Variants in MRPS28 observed in about 807,000 individuals in gnomAD.
The protein encoded by MRPS28 is mitochondrial ribosomal protein S28, also known as small ribosomal subunit protein bS1m.
MRPS28 carries 7 observed loss-of-function variants against 10.8 expected under a neutral mutation model. The ratio of observed to expected loss-of-function variants is 0.65; its 90% confidence interval spans 0.37 to 1.22. MRPS28 has a LOEUF of 1.22. MRPS28 is among the 50% of genes most tolerant of loss of function. The probability of loss-of-function intolerance (pLI) is 0.02; values close to 1 mark genes in which losing one functional copy is unlikely to be tolerated. For missense variants in MRPS28, 265 were observed against 232.9 expected, an observed-to-expected ratio of 1.14 and a Z score of -0.90; for synonymous variants, 121 against 93.3, an observed-to-expected ratio of 1.30 and a Z score of -1.71.
chr8:80,016,722 G>T (rs886932201), intron 1 of MRPS28, among the ~76,000 whole-genome samples: 1 of 152,106 alleles, frequency 6.6e-6, no homozygotes, highest in Non-Finnish European at 1.5e-5. Flanking sequence ...TAAACAATTT[G>T]CTAATAATAA....
chr8:79,947,117 T>C (rs1013695065), intron 2 of MRPS28, among the ~76,000 whole-genome samples: 3 of 152,072 alleles, frequency 2.0e-5, no homozygotes, highest in Non-Finnish European at 4.4e-5. Flanking sequence ...CTCACAAAAA[T>C]CCAACAGTCT....
intron 2 of MRPS28, among the ~76,000 whole-genome samples, chr8:79,955,385 G>A (rs749380463): frequency 2.6e-5 from 4 of 152,142 alleles, no homozygotes; most frequent in Non-Finnish European, 4.4e-5. Flanking sequence ...TGACTTCTGC[G>A]TGGATATCTC....
intron 1 of MRPS28, among the ~76,000 whole-genome samples, chr8:80,010,344 C>T (rs887384693): frequency 6.6e-6 from 1 of 152,152 alleles, no homozygotes; most frequent in African/African-American, 2.4e-5. Flanking sequence ...ATTTGTTATT[C>T]GGGGAGAACT....
At chr8:79,926,324 G>GT (rs891951863) in intron 2 of MRPS28, among the ~76,000 whole-genome samples, 4 of 152,136 alleles carry the variant, frequency 2.6e-5, no homozygotes, top group Non-Finnish European at 5.9e-5. Flanking sequence ...ACTGAAACAA[G>GT]TTTTTTCAGT....
At chr8:80,016,658 A>G (rs1156819557) in intron 1 of MRPS28, among the ~76,000 whole-genome samples, 1 of 152,202 alleles carries the variant, frequency 6.6e-6, no homozygotes, top group Non-Finnish European at 1.5e-5. Flanking sequence ...GTAAAATTAA[A>G]ACTTTTAAGT....
rs1293219406 is a variant in MRPS28, at chr8:80,003,019, T to C, written c.375A>G (p.Arg125=). The change falls in exon 2 of 3, where the codon AGA becomes AGG. Residue 125 remains arginine (R), a synonymous_variant. Transcript: ENST00000276585. ...DFGGKFHCVC[R]RPEVDGEKYQ... is the part of the protein sequence containing the mutation. ...CTTACTCTCCATCCACTTCTGGTCT[T>C]CTACATACACAATGAAACTTTCCAC... 3.8e-6 allele frequency: 6 copies of C among 1,596,660 alleles called. No homozygotes were observed. The highest frequency in any genetic ancestry group is 1.4e-5 in the African/African-American group (1 of 74,058).
In MRPS28 at chr8:79,937,503, T is replaced by G. The variant is rs141629354; in HGVS notation, c.396-18355A>C. ...TAGCTATAGCTTAGTGATACTGATT[T>G]TCAACGCCTGAAAAAACACATCATA... On this transcript the variant is annotated intron_variant, in intron 2 of 2. Coordinates refer to ENST00000276585, the MANE Select transcript of MRPS28 (RefSeq NM_014018.3). 3.2e-4 allele frequency among the ~76,000 whole-genome samples: 48 copies of G among 152,316 alleles called. No individual in the cohort carries two copies. In the East Asian group the frequency reaches 7.1e-3, roughly 23 times the overall value.
chr8:79,923,243 A>G (rs970991596), intron 2 of MRPS28, among the ~76,000 whole-genome samples: 11 of 152,198 alleles, frequency 7.2e-5, no homozygotes, highest in Non-Finnish European at 1.5e-4. Flanking sequence ...ACGGAAGTAA[A>G]GCTACTGGCC....
chr8:79,940,798 A>G (rs1421299674), intron 2 of MRPS28, among the ~76,000 whole-genome samples: 2 of 152,260 alleles, frequency 1.3e-5, no homozygotes, highest in African/African-American at 4.8e-5. Context: ...GACAAAAGAA[A>G]TGGAGAAAAG....
intron 2 of MRPS28, among the ~76,000 whole-genome samples, chr8:79,975,042 T>C (rs751572833): frequency 2.0e-5 from 3 of 152,102 alleles, no homozygotes; most frequent in Non-Finnish European, 2.9e-5. Flanking sequence ...CCCAGCACTT[T>C]GGGAGGTCAA....
intron 2 of MRPS28, among the ~76,000 whole-genome samples, chr8:79,962,539 C>T (rs576656649): frequency 4.6e-5 from 7 of 152,090 alleles, no homozygotes; most frequent in East Asian, 3.9e-4. Context: ...TAAAACTTTT[C>T]GTCTATGTCC....
At chr8:79,986,817 G>C (rs796112066) in intron 2 of MRPS28, among the ~76,000 whole-genome samples, 1 of 151,984 alleles carries the variant, frequency 6.6e-6, no homozygotes, top group South Asian at 2.1e-4. Context: ...TCATGGGTAG[G>C]AAGAATCAAT....
intron 2 of MRPS28, among the ~76,000 whole-genome samples, chr8:79,922,953 C>A (rs1219228502): frequency 2.6e-5 from 4 of 151,998 alleles, no homozygotes; most frequent in Non-Finnish European, 5.9e-5. Flanking sequence ...TTAGTCTCCA[C>A]ATAATATTTG....
intron 1 of MRPS28, among the ~76,000 whole-genome samples, chr8:80,016,585 A>T (rs967463575): frequency 6.6e-6 from 1 of 152,074 alleles, no homozygotes; most frequent in East Asian, 1.9e-4. Context: ...AAATTATAAA[A>T]GTCAAAAACT....
intron 2 of MRPS28, among the ~76,000 whole-genome samples, chr8:79,973,839 T>TA (rs11449920): frequency 0.51 from 69,051 of 135,950 alleles, 17,921 homozygotes; most frequent in East Asian, 0.77. Flanking sequence ...AATAAATTAA[T>TA]AAAAAAAAAA....
intron 2 of MRPS28, among the ~76,000 whole-genome samples, chr8:79,994,650 C>T (rs1808454432): frequency 6.6e-6 from 1 of 152,170 alleles, no homozygotes; most frequent in Admixed American, 6.5e-5. Flanking sequence ...TGCCCTCTCA[C>T]ATCCTTCTTC....
At chr8:79,997,096 A>C (rs1808518890) in intron 2 of MRPS28, among the ~76,000 whole-genome samples, 1 of 152,208 alleles carries the variant, frequency 6.6e-6, no homozygotes, top group Admixed American at 6.5e-5. Flanking sequence ...TATCAGAAGG[A>C]AATCAGATGG....
At chr8:80,029,525 G>A (rs955412301) in intron 1 of MRPS28, among the ~76,000 whole-genome samples, 1 of 152,154 alleles carries the variant, frequency 6.6e-6, no homozygotes, top group Non-Finnish European at 1.5e-5. Flanking sequence ...CAAAAGAGAG[G>A]TGAAGCGCTG....
intron 2 of MRPS28, among the ~76,000 whole-genome samples, chr8:79,985,298 C>A (rs561974520): frequency 6.6e-6 from 1 of 152,286 alleles, no homozygotes; most frequent in Non-Finnish European, 1.5e-5. Flanking sequence ...AAATTTATAG[C>A]ACTAAATGCC....
Sources: allele counts gnomAD v4.1 joint callset (sites outside exome capture counted in the v4.1 genomes callset), GRCh38; gene constraint gnomAD v4.1.1; transcripts MANE v1.5; gene names NCBI Gene and HGNC (gene_info 2026-07-23, HGNC 2026-07-21).